The following MACROD2 variants were observed in gnomAD, a reference collection of about 807,000 sequenced individuals.
MACROD2 encodes the protein ADP-ribose glycohydrolase MACROD2.
Under a neutral mutation model 70.4 loss-of-function variants are expected in MACROD2, and 36 were observed. The observed-to-expected ratio is 0.51, with a 90% CI of 0.39 to 0.68. The LOEUF is 0.68. Ranked by LOEUF, MACROD2 falls within the 30% of genes least tolerant of loss-of-function variation. The pLI is 0.00. For synonymous variants in MACROD2, 172 were observed against 178.8 expected (o/e 0.96, Z 0.30); for missense variants, 496 against 538.4 (o/e 0.92, Z 0.78).
chr20:15,499,408 T>C (rs1246246078), intron 7 of MACROD2, among the ~76,000 whole-genome samples: 1 of 152,220 alleles, frequency 6.6e-6, no homozygotes, highest in Non-Finnish European at 1.5e-5. Context: ...TGTACTTTTT[T>C]TTTAAGCTGA....
At chr20:14,855,354 C>T (rs1000905366) in intron 5 of MACROD2, among the ~76,000 whole-genome samples, 2 of 152,076 alleles carry the variant, frequency 1.3e-5, no homozygotes, top group Non-Finnish European at 2.9e-5. Flanking sequence ...AAAATATGAC[C>T]ATATGAACAC....
chr20:15,871,761 A>G (rs990223026), intron 9 of MACROD2, among the ~76,000 whole-genome samples: 1 of 152,198 alleles, frequency 6.6e-6, no homozygotes, highest in Non-Finnish European at 1.5e-5. Flanking sequence ...AAATTGTAAA[A>G]TAAAGTATGA....
intron 8 of MACROD2, among the ~76,000 whole-genome samples, chr20:15,556,652 A>G (rs1419974679): frequency 6.6e-6 from 1 of 152,202 alleles, no homozygotes; most frequent in Non-Finnish European, 1.5e-5. Context: ...TTTAGAAAAT[A>G]AGAAAAGCAT....
chr20:14,142,140 C>T (rs1270633593), intron 3 of MACROD2, among the ~76,000 whole-genome samples: 1 of 152,134 alleles, frequency 6.6e-6, no homozygotes, highest in East Asian at 1.9e-4. Context: ...TATAAAATCT[C>T]TTTTAGTTTC....
intron 5 of MACROD2, among the ~76,000 whole-genome samples, chr20:14,788,413 C>T (rs2123796755): frequency 6.6e-6 from 1 of 151,886 alleles, no homozygotes; most frequent in East Asian, 1.9e-4. Context: ...GTTGAAACCA[C>T]ATCTCTACTA....
intron 3 of MACROD2, among the ~76,000 whole-genome samples, chr20:14,105,537 G>T (rs12373859): frequency 0.027 from 4,045 of 152,264 alleles, 53 homozygotes; most frequent in Non-Finnish European, 0.032. Context: ...GGGCCAGAGT[G>T]CTCTGGGGTC....
chr20:14,402,245 A>T (rs1161415618), intron 3 of MACROD2, among the ~76,000 whole-genome samples: 2 of 152,106 alleles, frequency 1.3e-5, no homozygotes. Context: ...GTTTTCTAAA[A>T]CACTTAAGTT....
chr20:14,291,155 A>G (rs1369991321), intron 3 of MACROD2, among the ~76,000 whole-genome samples: 1 of 152,212 alleles, frequency 6.6e-6, no homozygotes, highest in Admixed American at 6.5e-5. Flanking sequence ...TTCTCCATTT[A>G]TTTGTTTATT....
At chr20:14,661,653 A>G (rs1348635656) in intron 4 of MACROD2, among the ~76,000 whole-genome samples, 1 of 151,994 alleles carries the variant, frequency 6.6e-6, no homozygotes, top group African/African-American at 2.4e-5. Context: ...GGTTTTTCCT[A>G]GGTTTTCTTC....
intron 8 of MACROD2, among the ~76,000 whole-genome samples, chr20:15,522,168 C>T (rs893720954): frequency 2.0e-5 from 3 of 152,238 alleles, no homozygotes; most frequent in East Asian, 3.9e-4. Context: ...AGGTCTCAGC[C>T]GCCAACTCTG....
intron 3 of MACROD2, among the ~76,000 whole-genome samples, chr20:14,273,678 A>T (rs1386377837): frequency 6.6e-6 from 1 of 151,756 alleles, no homozygotes; most frequent in African/African-American, 2.4e-5. Context: ...GACACAAAAA[A>T]CCCTTCAAAA....
At chr20:15,982,494 A>G (rs1316722494) in intron 13 of MACROD2, among the ~76,000 whole-genome samples, 1 of 151,984 alleles carries the variant, frequency 6.6e-6, no homozygotes, top group Non-Finnish European at 1.5e-5. Flanking sequence ...GTGTGACTGG[A>G]GCGGGGCTTG....
intron 3 of MACROD2, among the ~76,000 whole-genome samples, chr20:14,126,534 C>G (rs910795034): frequency 1.3e-5 from 2 of 151,664 alleles, no homozygotes; most frequent in South Asian, 4.1e-4. Context: ...TTTTTTAAAG[C>G]AAATTAAAGG....
intron 5 of MACROD2, among the ~76,000 whole-genome samples, chr20:14,724,432 GC>G (rs1190964598): frequency 1.3e-5 from 2 of 152,120 alleles, no homozygotes; most frequent in Non-Finnish European, 2.9e-5. Context: ...TGGTAGGGAT[GC>G]CCCATAAGAG....
At chr20:14,221,000 C>T (rs759964984) in intron 3 of MACROD2, among the ~76,000 whole-genome samples, 2 of 152,172 alleles carry the variant, frequency 1.3e-5, no homozygotes, top group African/African-American at 4.8e-5. Context: ...GCCCACTGCT[C>T]TGTCCAGAGC....
intron 5 of MACROD2, among the ~76,000 whole-genome samples, chr20:15,093,267 A>C (rs954985570): frequency 2.0e-5 from 3 of 152,158 alleles, no homozygotes; most frequent in Non-Finnish European, 4.4e-5. Context: ...TTTTGATAGG[A>C]GTTTAGGGAA....
chr20:14,851,973 G>A (rs981641190), intron 5 of MACROD2, among the ~76,000 whole-genome samples: 5 of 152,132 alleles, frequency 3.3e-5, no homozygotes, highest in African/African-American at 9.7e-5. Context: ...TGAAAGACAG[G>A]TGTCATCTCA....
chr20:14,598,970 T>C (rs1982315552), intron 4 of MACROD2, among the ~76,000 whole-genome samples: 1 of 152,204 alleles, frequency 6.6e-6, no homozygotes. Context: ...ATTGGCTATA[T>C]TTACATAGAT....
chr20:15,098,817 A>C (rs1348513772), intron 5 of MACROD2, among the ~76,000 whole-genome samples: 2 of 152,220 alleles, frequency 1.3e-5, no homozygotes, highest in Non-Finnish European at 2.9e-5. Context: ...TTTGGGGGGA[A>C]ATCAGAGAGT....
Sources: allele counts gnomAD v4.1 joint callset (sites outside exome capture counted in the v4.1 genomes callset), GRCh38; gene constraint gnomAD v4.1.1; transcripts MANE v1.5; gene names NCBI Gene and HGNC (gene_info 2026-07-23, HGNC 2026-07-21).